The following CAMKMT variants were observed in gnomAD, a reference collection of about 807,000 sequenced individuals.
CAMKMT encodes CaM KMT.
In CAMKMT, 53 loss-of-function variants were observed where a neutral mutation model predicts 48.0. The ratio of observed to expected loss-of-function variants is 1.10; its 90% CI spans 0.89 to 1.39. CAMKMT has a LOEUF of 1.39. Ranked by LOEUF, CAMKMT falls within the 40% of genes most tolerant of loss-of-function variation. The pLI is 0.00. For missense variants in CAMKMT, 428 were observed against 402.7 expected (o/e 1.06, Z -0.54); for synonymous variants, 165 against 152.3 (o/e 1.08, Z -0.61).
rs945538982 is a variant in CAMKMT, at chr2:44,509,167, CAA to C, written c.376+118863_376+118864del. On this transcript the variant is annotated intron_variant, in intron 3 of 10. Coordinates refer to ENST00000378494, the MANE Select transcript of CAMKMT (RefSeq NM_024766.5). ...AGAACACTGAAGCACAGAAAGGTGA[CAA>C]GAGCTAATGAGGGACTGAGCCAGGG... Among the ~76,000 whole-genome samples, 4 of 151,876 alleles carry C rather than the reference CAA, an allele frequency of 2.6e-5. 1 individual carries two copies. The highest frequency in any genetic ancestry group is 9.7e-5 in the African/African-American group (4 of 41,304).
chr2:44,741,056 G>C (rs1033050551), intron 7 of CAMKMT, among the ~76,000 whole-genome samples: 4 of 152,208 alleles, frequency 2.6e-5, no homozygotes, highest in Admixed American at 6.5e-5. Flanking sequence ...TCTGCAAGGA[G>C]ATAAGTTCAG....
At chr2:44,761,276 A>G (rs1292753605) in intron 9 of CAMKMT, among the ~76,000 whole-genome samples, 3 of 152,164 alleles carry the variant, frequency 2.0e-5, no homozygotes, top group Non-Finnish European at 4.4e-5. Flanking sequence ...GCATGTTTGA[A>G]CACACAGGAT....
chr2:44,489,872 G>C (rs1457703741), intron 3 of CAMKMT, among the ~76,000 whole-genome samples: 2 of 151,908 alleles, frequency 1.3e-5, no homozygotes, highest in African/African-American at 2.4e-5. Context: ...TACTTATTGG[G>C]TTCCATGTTC....
chr2:44,604,458 C>CA (rs1671170372), intron 3 of CAMKMT, among the ~76,000 whole-genome samples: 1 of 151,850 alleles, frequency 6.6e-6, no homozygotes, highest in Admixed American at 6.6e-5. Context: ...CTGAAAACCC[C>CA]ATGTAGTAGG....
chr2:44,453,129 C>G (rs1237643293), intron 3 of CAMKMT, among the ~76,000 whole-genome samples: 2 of 151,932 alleles, frequency 1.3e-5, no homozygotes, highest in Non-Finnish European at 2.9e-5. Context: ...GCACTATTGT[C>G]TAATTTGGTG....
In CAMKMT at chr2:44,483,405, G is replaced by A. The variant is rs570376813; in HGVS notation, c.376+93100G>A. 2.0e-5 allele frequency among the ~76,000 whole-genome samples: 3 copies of A among 152,182 alleles called. No homozygotes were observed. In the East Asian group the frequency reaches 5.8e-4, roughly 29 times the overall value. On this transcript the variant is annotated intron_variant, in intron 3 of 10. Coordinates refer to ENST00000378494, the MANE Select transcript of CAMKMT (RefSeq NM_024766.5). Reference sequence around the variant, plus strand: ...GTTCTGAAGTTCATTTTAGTCTAATGGACTTTATTAGCCTTAAAGATGTTA... The same window carrying A: ...GTTCTGAAGTTCATTTTAGTCTAATAGACTTTATTAGCCTTAAAGATGTTA...
At chr2:44,435,461 C>G (rs1666174489) in intron 3 of CAMKMT, among the ~76,000 whole-genome samples, 1 of 152,116 alleles carries the variant, frequency 6.6e-6, no homozygotes, top group African/African-American at 2.4e-5. Flanking sequence ...CAAGCATTAC[C>G]TAAAACTTAA....
intron 3 of CAMKMT, among the ~76,000 whole-genome samples, chr2:44,417,929 A>G (rs1248922473): frequency 3.3e-5 from 5 of 152,184 alleles, no homozygotes; most frequent in Admixed American, 2.6e-4. Context: ...ATTGTGGCTC[A>G]TGCCTGTAAT....
At chr2:44,526,092 A>T (rs943576726) in intron 3 of CAMKMT, among the ~76,000 whole-genome samples, 3 of 151,922 alleles carry the variant, frequency 2.0e-5, no homozygotes, top group African/African-American at 4.8e-5. Flanking sequence ...CTTTGTAGGG[A>T]CATGGATGAA....
chr2:44,452,761 A>G (rs572104328), intron 3 of CAMKMT, among the ~76,000 whole-genome samples: 2 of 152,134 alleles, frequency 1.3e-5, no homozygotes, highest in South Asian at 2.1e-4. Flanking sequence ...AAGACTAGTG[A>G]AAAAATTTTA....
At chr2:44,420,274 C>T (rs1683842623) in intron 3 of CAMKMT, among the ~76,000 whole-genome samples, 1 of 152,132 alleles carries the variant, frequency 6.6e-6, no homozygotes, top group African/African-American at 2.4e-5. Context: ...AAGTCTCAGA[C>T]TGTTTTCTAA....
intron 5 of CAMKMT, among the ~76,000 whole-genome samples, chr2:44,706,588 A>G (rs1204917733): frequency 6.6e-6 from 1 of 150,790 alleles, no homozygotes; most frequent in Non-Finnish European, 1.5e-5. Flanking sequence ...GGCCTCGCAC[A>G]GTCTTTCTTT....
chr2:44,592,002 G>C (rs1670315492), intron 3 of CAMKMT, among the ~76,000 whole-genome samples: 1 of 144,404 alleles, frequency 6.9e-6, no homozygotes, highest in Non-Finnish European at 1.5e-5. Flanking sequence ...TCATAGGTGG[G>C]AATTGAGCAA....
At chr2:44,705,278 T>C (rs186344797) in intron 4 of CAMKMT, 1 of 826,990 alleles carries the variant, frequency 1.2e-6, no homozygotes, top group East Asian at 1.2e-4. Flanking sequence ...TCTTCCCACC[T>C]CTCCCTCTCT....
In CAMKMT at chr2:44,456,460, A is replaced by G. The variant is rs111286704; in HGVS notation, c.376+66155A>G. 9.9e-4 allele frequency: 1,333 copies of G among 1,350,230 alleles called. 1 individual carries two copies. The highest frequency in any genetic ancestry group is 6.8e-3 in the Middle Eastern group (35 of 5,168). 83.6% of individuals were successfully genotyped at this position (1,350,230 alleles called of 1,614,324 possible). ...ACCCTCTATTTCTCAGAATTATTATATAAATATGTACATTCTTGTGAAAGA... is the reference window on the plus strand; with the variant it reads ...ACCCTCTATTTCTCAGAATTATTATGTAAATATGTACATTCTTGTGAAAGA... On this transcript the variant is annotated intron_variant, in intron 3 of 10. Transcript: ENST00000378494.
intron 3 of CAMKMT, among the ~76,000 whole-genome samples, chr2:44,391,292 C>T (rs1253756353): frequency 2.0e-5 from 3 of 152,000 alleles, no homozygotes; most frequent in Non-Finnish European, 4.4e-5. Context: ...CTATAAATGT[C>T]CTTAAATTAT....
intron 3 of CAMKMT, among the ~76,000 whole-genome samples, chr2:44,586,434 T>G (rs1234420450): frequency 2.0e-5 from 3 of 152,174 alleles, no homozygotes; most frequent in Admixed American, 2.0e-4. Flanking sequence ...TTTGTAGTCC[T>G]TCCTACCCTT....
At chr2:44,746,825 T>C (rs2104379290) in intron 8 of CAMKMT, among the ~76,000 whole-genome samples, 1 of 152,338 alleles carries the variant, frequency 6.6e-6, no homozygotes, top group Non-Finnish European at 1.5e-5. Flanking sequence ...GCCTGGTCCT[T>C]GCTGAGTTAG....
chr2:44,645,666 C>T (rs1278579927), intron 3 of CAMKMT, among the ~76,000 whole-genome samples: 7 of 152,092 alleles, frequency 4.6e-5, no homozygotes, highest in Admixed American at 4.6e-4. Context: ...ACTAAAAATA[C>T]AAAAATTAGC....
Sources: allele counts gnomAD v4.1 joint callset (sites outside exome capture counted in the v4.1 genomes callset), GRCh38; gene constraint gnomAD v4.1.1; transcripts MANE v1.5; gene names NCBI Gene and HGNC (gene_info 2026-07-23, HGNC 2026-07-21).